Variants in MEF2C observed in about 807,000 individuals in gnomAD.
MEF2C encodes the protein myocyte enhancer factor 2C.
MEF2C carries 6 observed loss-of-function variants against 50.5 expected under a neutral mutation model. That is an observed-to-expected ratio of 0.12 (90% CI 0.07 to 0.23). The LOEUF is 0.23. Among genes scored for constraint, MEF2C ranks in the 10% least tolerant of loss-of-function variants. MEF2C has a pLI of 1.00. For synonymous variants in MEF2C, 183 were observed against 228.0 expected (o/e 0.80, Z 1.78); for missense variants, 276 against 605.0 (o/e 0.46, Z 5.70).
intron 6 of MEF2C, chr5:88,733,322 G>A (rs1762484934): frequency 7.1e-6 from 7 of 985,298 alleles, no homozygotes; most frequent in Non-Finnish European, 7.2e-6. Context: ...AAAAGAGAGG[G>A]GTGTCAGAGG....
At position 88,821,487 on chromosome 5, in the gene MEF2C, A is replaced by G. The variant is rs1188422787; in HGVS notation, c.54+2248T>C. 2.6e-5 allele frequency among the ~76,000 whole-genome samples: 4 copies of G among 150,954 alleles called. No homozygotes were observed. In the Admixed American group the frequency reaches 2.7e-4, roughly 10 times the overall value. ...CTTATGTTGCCCAGGCTGGTCTTGA[A>G]CTCCTGGGCTCCAGTGATCTGCATC... On this transcript the variant is annotated intron_variant, in intron 2 of 10. Coordinates refer to ENST00000504921, the MANE Select transcript of MEF2C (RefSeq NM_002397.5).
intron 3 of MEF2C, among the ~76,000 whole-genome samples, chr5:88,801,736 T>C (rs565692504): frequency 8.9e-4 from 136 of 152,266 alleles, no homozygotes; most frequent in African/African-American, 3.1e-3. Context: ...TGCGCCTGCC[T>C]TGGCCTCCCA....
At chr5:88,824,107 T>C in intron 1 of MEF2C, 177 bp from the exon 2 acceptor site, 1 of 883,784 alleles carries the variant, frequency 1.1e-6, no homozygotes. Context: ...GATCAAGTAG[T>C]TTTATTTTTT....
Position 88,804,653 on chromosome 5 carries a change from T to C in MEF2C, c.203A>G (p.Lys68Arg). Residue 68 changes from lysine (K) to arginine (R), a missense_variant, in exon 3 of 11, where the codon AAG becomes AGG. Coordinates refer to ENST00000504921, the MANE Select transcript of MEF2C (RefSeq NM_002397.5). ...ATGCGGCTCGTTGTACTCCGTGTAC[T>C]TGAGAAGCACTTTGTCCATGTCGGT... is the stretch of plus-strand genomic sequence containing the variant. ...ASTDMDKVLLKYTEYNEPHES... is the reference protein window; with the variant it reads ...ASTDMDKVLLRYTEYNEPHES... 6.2e-7 allele frequency: 1 copy of C among 1,614,178 alleles called. No homozygotes were observed. The highest frequency in any genetic ancestry group is 8.5e-7 in the Non-Finnish European group (1 of 1,180,030).
intron 3 of MEF2C, among the ~76,000 whole-genome samples, chr5:88,765,545 G>A (rs912444190): frequency 2.6e-5 from 4 of 152,182 alleles, no homozygotes; most frequent in South Asian, 2.1e-4. Context: ...ATGAATAGTC[G>A]ATATGAACGA....
intron 3 of MEF2C, among the ~76,000 whole-genome samples, chr5:88,797,454 CCTTTTTTTTTT>C (rs1245320112): frequency 2.4e-4 from 6 of 25,220 alleles, no homozygotes; most frequent in East Asian, 9.3e-4. Flanking sequence ...GCAACCCTTG[CCTTTTTTTTTT>C]TTTTTTTTTT....
At position 88,789,690 on chromosome 5, in the gene MEF2C, G is replaced by T. The variant is rs1028595441; in HGVS notation, c.258+14908C>A. On this transcript the variant is annotated intron_variant, in intron 3 of 10. Coordinates refer to ENST00000504921, the MANE Select transcript of MEF2C (RefSeq NM_002397.5). The stretch of plus-strand genomic sequence containing the variant: ...ATGACCTTTAGAAATAATTGACAGA[G>T]AATTTTTTTTCTTATTCATAACTTC... Among the ~76,000 whole-genome samples the T allele has an allele frequency of 2.6e-5, 4 of 152,212 alleles. No homozygotes were observed. The South Asian group carries it at 6.2e-4, about 24-fold the overall frequency.
chr5:88,804,870 T>G (rs1166826479), intron 2 of MEF2C, 69 bp from the exon 3 acceptor site: 4 of 1,323,914 alleles, frequency 3.0e-6, no homozygotes, highest in Non-Finnish European at 4.2e-6. Flanking sequence ...TTCTTTTCTT[T>G]TTTCTTTTCC....
intron 2 of MEF2C, among the ~76,000 whole-genome samples, chr5:88,814,135 A>G (rs1804193973): frequency 6.6e-6 from 1 of 152,148 alleles, no homozygotes; most frequent in Non-Finnish European, 1.5e-5. Flanking sequence ...TTTAATTGGG[A>G]AAAAGGGAAA....
chr5:88,721,741 A>G lies in MEF2C; in HGVS notation c.*863T>C, dbSNP rs774210027. On this transcript the variant is annotated 3_prime_UTR_variant, in exon 11 of 11. Coordinates refer to ENST00000504921, the MANE Select transcript of MEF2C (RefSeq NM_002397.5). ...TGGTTAGCAAAGCATGGAGTTCTTC[A>G]TGGCTTAGGGTAGTGCTTTCTATAC... The G allele has an allele frequency of 1.3e-5, 2 of 152,608 alleles. No individual in the cohort carries two copies. The highest frequency in any genetic ancestry group is 2.9e-5 in the Non-Finnish European group (2 of 68,032). 9.5% of individuals were successfully genotyped at this position (152,608 alleles called of 1,614,324 possible).
chr5:88,799,508 G>A (rs1277796364), intron 3 of MEF2C, among the ~76,000 whole-genome samples: 1 of 152,208 alleles, frequency 6.6e-6, no homozygotes, highest in Non-Finnish European at 1.5e-5. Flanking sequence ...AGTTTGTAAA[G>A]AAGTCCAATT....
At chr5:88,824,933 T>C (rs1810158612) in intron 1 of MEF2C, 1 of 151,966 alleles carries the variant, frequency 6.6e-6, no homozygotes, top group African/African-American at 2.4e-5. Context: ...GGAAGTTAAT[T>C]GCTCTGAAAT....
intron 6 of MEF2C, chr5:88,743,481 T>C: frequency 1.0e-6 from 1 of 985,216 alleles, no homozygotes; most frequent in Non-Finnish European, 1.2e-6. Context: ...TTCCACTTAG[T>C]TCTATTTTGT....
At chr5:88,821,728 G>C (rs1036751298) in intron 2 of MEF2C, among the ~76,000 whole-genome samples, 3 of 151,820 alleles carry the variant, frequency 2.0e-5, no homozygotes, top group Non-Finnish European at 4.4e-5. Context: ...CTGAGATAGA[G>C]AGTAGACTGA....
At chr5:88,731,540 C>A in intron 7 of MEF2C, 189 bp downstream of exon 7, 2 of 536,664 alleles carry the variant, frequency 3.7e-6, no homozygotes, top group African/African-American at 1.9e-5. Flanking sequence ...ATTTTTTTTA[C>A]ACGGAAAAGG....
intron 3 of MEF2C, among the ~76,000 whole-genome samples, chr5:88,783,300 A>G (rs1291336090): frequency 6.6e-6 from 1 of 152,192 alleles, no homozygotes; most frequent in Non-Finnish European, 1.5e-5. Flanking sequence ...AGAAGATAGT[A>G]TTATTAACCT....
chr5:88,742,917 C>T (rs1767515323), intron 6 of MEF2C: 1 of 980,848 alleles, frequency 1.0e-6, no homozygotes, highest in Admixed American at 6.2e-5. Context: ...TCTTGATAAA[C>T]TTGGTTTGGG....
chr5:88,767,606 A>G (rs2152741941), intron 3 of MEF2C, among the ~76,000 whole-genome samples: 1 of 152,310 alleles, frequency 6.6e-6, no homozygotes, highest in Middle Eastern at 3.4e-3. Context: ...ATTAATGCTC[A>G]TTCTAGCCAG....
At chr5:88,798,527 T>A (rs953003188) in intron 3 of MEF2C, among the ~76,000 whole-genome samples, 1 of 152,116 alleles carries the variant, frequency 6.6e-6, no homozygotes, top group Non-Finnish European at 1.5e-5. Flanking sequence ...GTTATTCTAG[T>A]TAGCAATTCC....
Sources: allele counts gnomAD v4.1 joint callset (sites outside exome capture counted in the v4.1 genomes callset), GRCh38; gene constraint gnomAD v4.1.1; transcripts MANE v1.5; gene names NCBI Gene and HGNC (gene_info 2026-07-23, HGNC 2026-07-21).